TRMT11: variants seen among roughly 807,000 people sequenced by gnomAD.
TRMT11 encodes the protein tRNA (guanine(10)-N(2))-methyltransferase TRMT11.
A neutral mutation model predicts 62.8 loss-of-function variants in TRMT11; 53 were observed. The observed-to-expected ratio is 0.84, with a 90% CI of 0.68 to 1.06. TRMT11 has a LOEUF of 1.06. Ranked by LOEUF, TRMT11 falls within the 50% of genes least tolerant of loss-of-function variation. The pLI, the probability that TRMT11 is intolerant of heterozygous loss-of-function variation, is 0.00. For missense variants in TRMT11, 556 were observed against 553.4 expected (o/e 1.00, Z -0.05); for synonymous variants, 188 against 190.3 (o/e 0.99, Z 0.10).
In TRMT11 at chr6:126,137,295, A is replaced by G. The variant is rs1205148347; in HGVS notation, c.*1823+21440A>G. On this transcript the variant is annotated intron_variant and NMD_transcript_variant, in intron 21 of 22. Coordinates refer to the TRMT11 transcript ENST00000648977. ...AACTCAAACAACTTATTAACAAAAA[A>G]GCAAGCTAGCAAGCAAGAAAAAAAA... Among the ~76,000 whole-genome samples the G allele has an allele frequency of 3.3e-5, 5 of 151,922 alleles. No homozygotes were observed. The East Asian group carries it at 9.7e-4, about 29-fold the overall frequency.
chr6:126,136,164 G>T (rs933736028), intron 21 of TRMT11, among the ~76,000 whole-genome samples: 15 of 151,422 alleles, frequency 9.9e-5, no homozygotes, highest in African/African-American at 3.6e-4. Flanking sequence ...AAGAAATAAA[G>T]GACATCCAAA....
chr6:126,210,376 C>T, the TRMT11 span, among the ~76,000 whole-genome samples: 4 of 152,144 alleles, frequency 2.6e-5, no homozygotes, highest in Non-Finnish European at 4.4e-5. Flanking sequence ...ATTATTTCAA[C>T]GACCAGTGAG....
At chr6:126,108,957 C>T (rs933117157) in intron 17 of TRMT11, among the ~76,000 whole-genome samples, 1 of 152,204 alleles carries the variant, frequency 6.6e-6, no homozygotes, top group African/African-American at 2.4e-5. Context: ...TTTAGACTCT[C>T]CAAAAAGTTA....
intron 17 of TRMT11, among the ~76,000 whole-genome samples, chr6:126,053,515 C>G (rs1776276672): frequency 6.6e-6 from 1 of 152,192 alleles, no homozygotes; most frequent in Admixed American, 6.5e-5. Context: ...TACCAGGTAA[C>G]TTAGGGACAA....
intron 11 of TRMT11, among the ~76,000 whole-genome samples, chr6:126,013,339 G>A (rs561283366): frequency 1.3e-5 from 2 of 151,966 alleles, no homozygotes; most frequent in Admixed American, 1.3e-4. Context: ...TCACTGCAGC[G>A]TTGACCTCCC....
intron 11 of TRMT11, among the ~76,000 whole-genome samples, chr6:126,018,671 G>A (rs992497817): frequency 3.3e-5 from 5 of 151,274 alleles, no homozygotes; most frequent in African/African-American, 1.2e-4. Context: ...GTCAATCTCT[G>A]TGGATTTGCC....
At chr6:126,228,774 A>G in the TRMT11 span, among the ~76,000 whole-genome samples, 1 of 152,186 alleles carries the variant, frequency 6.6e-6, no homozygotes, top group Admixed American at 6.5e-5. Flanking sequence ...CAATAAACCA[A>G]GCAAACTCTC....
At chr6:126,021,939 T>C (rs923607734) in intron 12 of TRMT11, among the ~76,000 whole-genome samples, 4 of 152,286 alleles carry the variant, frequency 2.6e-5, no homozygotes, top group East Asian at 1.9e-4. Flanking sequence ...CTTCTGTCGA[T>C]TGACAACCAA....
At chr6:126,252,829 A>T in the TRMT11 span, among the ~76,000 whole-genome samples, 1 of 152,226 alleles carries the variant, frequency 6.6e-6, no homozygotes, top group East Asian at 1.9e-4. Context: ...CGGAATAACG[A>T]AAGTATTGTA....
chr6:126,183,943 C>T (rs991164256), intron 1 of TRMT11, among the ~76,000 whole-genome samples: 3 of 152,004 alleles, frequency 2.0e-5, no homozygotes, highest in Admixed American at 6.6e-5. Context: ...ATCATGAAGC[C>T]TTTATGGGAT....
At chr6:126,240,288 AT>A in the TRMT11 span, among the ~76,000 whole-genome samples, 1 of 152,014 alleles carries the variant, frequency 6.6e-6, no homozygotes, top group Non-Finnish European at 1.5e-5. Flanking sequence ...AGGTGCTTTG[AT>A]TTTTAGAGTT....
Position 126,092,943 on chromosome 6 carries a change from G to A in TRMT11, c.*1438-19923G>A, listed in dbSNP as rs540537305. Among the ~76,000 whole-genome samples the A allele has an allele frequency of 4.2e-3, 635 of 152,296 alleles. 4 individuals are homozygous for A. Among genetic ancestry groups the A allele is most frequent in the Non-Finnish European group, 6.4e-3 (437 of 68,024 alleles). On this transcript the variant is annotated intron_variant and NMD_transcript_variant, in intron 17 of 22. Coordinates refer to the TRMT11 transcript ENST00000648977. ...TGACACAGTTCTAGAAACTGGGCAA[G>A]AATTCTTAGCTTATTTCAATCTACT...
intron 17 of TRMT11, among the ~76,000 whole-genome samples, chr6:126,097,997 G>T (rs1289889150): frequency 1.3e-5 from 2 of 152,122 alleles, no homozygotes; most frequent in Non-Finnish European, 2.9e-5. Flanking sequence ...ATGACCTGAA[G>T]AATTATTCCA....
chr6:126,074,071 A>T (rs1776939206), intron 17 of TRMT11, among the ~76,000 whole-genome samples: 1 of 152,232 alleles, frequency 6.6e-6, no homozygotes, highest in Admixed American at 6.5e-5. Context: ...CGTGGGGATT[A>T]TGGAAACTAC....
At chr6:126,099,148 G>C (rs528277491) in intron 17 of TRMT11, among the ~76,000 whole-genome samples, 1 of 152,232 alleles carries the variant, frequency 6.6e-6, no homozygotes, top group Non-Finnish European at 1.5e-5. Context: ...TGTCCTTCAG[G>C]AATATATTGC....
intron 1 of TRMT11, among the ~76,000 whole-genome samples, chr6:126,193,983 CAA>C (rs1350917450): frequency 6.6e-6 from 1 of 151,960 alleles, no homozygotes; most frequent in Non-Finnish European, 1.5e-5. Context: ...GTATTATTTC[CAA>C]AGTTCCTCTA....
At chr6:126,102,962 T>C (rs1777418062) in intron 17 of TRMT11, among the ~76,000 whole-genome samples, 1 of 152,218 alleles carries the variant, frequency 6.6e-6, no homozygotes, top group African/African-American at 2.4e-5. Flanking sequence ...TATATAATTG[T>C]TCATCCCATA....
the TRMT11 span, among the ~76,000 whole-genome samples, chr6:126,217,736 TA>T: frequency 6.6e-6 from 1 of 152,060 alleles, no homozygotes; most frequent in Non-Finnish European, 1.5e-5. Context: ...TGGCTTGCGG[TA>T]ATCACTAGCC....
chr6:126,208,092 A>G (rs1332123270), downstream of TRMT11, among the ~76,000 whole-genome samples: 1 of 152,208 alleles, frequency 6.6e-6, no homozygotes, highest in African/African-American at 2.4e-5. Flanking sequence ...GCATCAGAAC[A>G]TTTATCTAGG....
Sources: allele counts gnomAD v4.1 joint callset (sites outside exome capture counted in the v4.1 genomes callset), GRCh38; gene constraint gnomAD v4.1.1; transcripts MANE v1.5; gene names NCBI Gene and HGNC (gene_info 2026-07-23, HGNC 2026-07-21).